The following NRG1 variants were observed in gnomAD, a reference collection of about 807,000 sequenced individuals.
NRG1 encodes the protein pro-neuregulin-1, membrane-bound isoform.
NRG1 carries 18 observed loss-of-function variants against 63.8 expected under a neutral mutation model. That is an observed-to-expected ratio of 0.28 (90% CI 0.19 to 0.42). The LOEUF (loss-of-function observed/expected upper bound fraction) is 0.42, where lower values mean the gene tolerates loss of function less well. NRG1 is among the 10% of genes least tolerant of loss of function. NRG1 has a pLI of 1.00. For synonymous variants in NRG1, 302 were observed against 301.3 expected (o/e 1.00, Z -0.02); for missense variants, 762 against 814.7 (o/e 0.94, Z 0.79).
intron 1 of NRG1, among the ~76,000 whole-genome samples, chr8:32,394,590 G>C (rs910838500): frequency 6.6e-6 from 1 of 152,164 alleles, no homozygotes; most frequent in Non-Finnish European, 1.5e-5. Context: ...TGTTTTCACA[G>C]AGTGATTTAC....
chr8:31,991,588 G>A (rs1178565154), intron 1 of NRG1, among the ~76,000 whole-genome samples: 1 of 151,992 alleles, frequency 6.6e-6, no homozygotes, highest in African/African-American at 2.4e-5. Flanking sequence ...GATGAGGGAA[G>A]CTAAGCTCAA....
intron 5 of NRG1, among the ~76,000 whole-genome samples, chr8:32,638,564 G>T (rs1248579525): frequency 6.6e-6 from 1 of 152,096 alleles, no homozygotes; most frequent in Non-Finnish European, 1.5e-5. Context: ...CTGGCCTCAG[G>T]CAATCCTCCT....
rs183135781 is a variant in NRG1 at position 32,240,209 on chromosome 8, A to G, written c.38-355619A>G. On this transcript the variant is annotated intron_variant, in intron 1 of 10. Coordinates refer to the NRG1 transcript ENST00000519301. Reference sequence around the variant, plus strand: ...CTGTAGCACAGCTATACTATGACATACTATGAAGCAATAAAAAAGGAATGA... The same window carrying G: ...CTGTAGCACAGCTATACTATGACATGCTATGAAGCAATAAAAAAGGAATGA... Among the ~76,000 whole-genome samples the G allele has an allele frequency of 2.3e-3, 357 of 152,316 alleles. 2 individuals are homozygous for G. Among genetic ancestry groups the G allele is most frequent in the Middle Eastern group, 6.8e-3 (2 of 294 alleles).
At chr8:32,355,157 A>G (rs2129480194) in intron 1 of NRG1, among the ~76,000 whole-genome samples, 1 of 152,304 alleles carries the variant, frequency 6.6e-6, no homozygotes, top group African/African-American at 2.4e-5. Flanking sequence ...ACAAATTACA[A>G]AATTGAAAGG....
At chr8:32,134,732 G>C (rs1835282663) in intron 1 of NRG1, among the ~76,000 whole-genome samples, 1 of 152,004 alleles carries the variant, frequency 6.6e-6, no homozygotes, top group South Asian at 2.1e-4. Flanking sequence ...AAACTAGAAT[G>C]AGGCCAGGCA....
chr8:32,601,952 C>T (rs1844437141), intron 2 of NRG1, among the ~76,000 whole-genome samples: 1 of 151,904 alleles, frequency 6.6e-6, no homozygotes, highest in African/African-American at 2.4e-5. Context: ...ATTAGAAATC[C>T]TTATTTCTGC....
intron 1 of NRG1, among the ~76,000 whole-genome samples, chr8:31,720,439 C>T (rs753351871): frequency 6.6e-6 from 1 of 152,094 alleles, no homozygotes; most frequent in African/African-American, 2.4e-5. Flanking sequence ...GGTGTTAAGC[C>T]CAGCATCCAT....
At chr8:31,761,209 A>T (rs1179906178) in intron 1 of NRG1, among the ~76,000 whole-genome samples, 1 of 152,120 alleles carries the variant, frequency 6.6e-6, no homozygotes, top group South Asian at 2.1e-4. Flanking sequence ...AGGACAAAAA[A>T]CCAAACACCT....
intron 5 of NRG1, among the ~76,000 whole-genome samples, chr8:32,720,585 G>A (rs907427707): frequency 6.6e-6 from 1 of 152,108 alleles, no homozygotes; most frequent in Non-Finnish European, 1.5e-5. Context: ...TTCTGGAATT[G>A]GCTTCTCAGC....
At chr8:32,387,485 C>T (rs902037641) in intron 1 of NRG1, among the ~76,000 whole-genome samples, 1 of 152,164 alleles carries the variant, frequency 6.6e-6, no homozygotes, top group African/African-American at 2.4e-5. Flanking sequence ...AAACAAGAAG[C>T]TCTTTGGGTT....
In NRG1 at chr8:31,890,960, G is replaced by A. The variant is rs148861240; in HGVS notation, c.37+251529G>A. ...GCTGGATGCCCAATGGCAGAAAAAAGTAAGTCTTCACCTAAGTCTTACACC... is the reference window on the plus strand; with the variant it reads ...GCTGGATGCCCAATGGCAGAAAAAAATAAGTCTTCACCTAAGTCTTACACC... On this transcript the variant is annotated intron_variant, in intron 1 of 10. Transcript: ENST00000519301. Among the ~76,000 whole-genome samples the A allele has an allele frequency of 2.6e-3, 390 of 152,274 alleles. 2 individuals carry two copies. The highest frequency in any genetic ancestry group is 8.9e-3 in the African/African-American group (368 of 41,558).
At chr8:32,207,372 C>T (rs1844181012) in intron 1 of NRG1, among the ~76,000 whole-genome samples, 1 of 152,114 alleles carries the variant, frequency 6.6e-6, no homozygotes, top group Non-Finnish European at 1.5e-5. Context: ...ACTTTTGCAT[C>T]AACCTAATAC....
At position 32,742,197 on chromosome 8, in the gene NRG1, C is replaced by G; in HGVS notation, c.633-478C>G. On this transcript the variant is annotated intron_variant, in intron 6 of 11. Coordinates refer to ENST00000356819, the Ensembl canonical transcript of NRG1. This position sits in a 1 kb window ranked among gnomAD's most constrained non-coding sequence, Gnocchi z 4.2. ...TTGTTCTAATTATGGCTTAACCTCT[C>G]AAGGCATAAACCCATTCAGTGTTAC... The G allele has an allele frequency of 1.2e-6, 1 of 803,138 alleles. No individual in the cohort carries two copies. The highest frequency in any genetic ancestry group is 2.1e-6 in the Non-Finnish European group (1 of 479,668). 49.8% of individuals were successfully genotyped at this position (803,138 alleles called of 1,614,324 possible). A position where few individuals can be genotyped will look rare whatever the true frequency, so the allele number is the denominator to read the frequency against.
chr8:32,286,788 C>T (rs28560199), intron 1 of NRG1, among the ~76,000 whole-genome samples: 31,508 of 151,954 alleles, frequency 0.21, 3,614 homozygotes, highest in African/African-American at 0.32. Context: ...CCTGAGGTCA[C>T]GAGTTCAAGA....
chr8:32,565,288 A>G (rs1056075296), intron 1 of NRG1, among the ~76,000 whole-genome samples: 12 of 151,792 alleles, frequency 7.9e-5, no homozygotes, highest in Admixed American at 7.2e-4. Flanking sequence ...TCTTTTTGGA[A>G]TTTTCTTTTT....
intron 1 of NRG1, among the ~76,000 whole-genome samples, chr8:32,004,737 G>C (rs1036224284): frequency 6.6e-6 from 1 of 151,778 alleles, no homozygotes; most frequent in Admixed American, 6.6e-5. Context: ...AAGAGAAAAA[G>C]CATACACAAA....
At chr8:32,771,583 A>G (rs145040459), downstream of NRG1, among the ~76,000 whole-genome samples, 389 of 150,802 alleles carry the variant, frequency 2.6e-3, 3 homozygotes, top group African/African-American at 8.9e-3. Flanking sequence ...GTAGAGTTTT[A>G]ATAATACTAC....
chr8:32,116,450 G>A (rs1419638832), intron 1 of NRG1, among the ~76,000 whole-genome samples: 1 of 152,124 alleles, frequency 6.6e-6, no homozygotes, highest in East Asian at 1.9e-4. Flanking sequence ...CCTGGATGGA[G>A]CTCTTCACCA....
intron 1 of NRG1, among the ~76,000 whole-genome samples, chr8:32,265,172 GA>G (rs1850786356): frequency 6.6e-6 from 1 of 151,902 alleles, no homozygotes; most frequent in African/African-American, 2.4e-5. Flanking sequence ...CCTCTCTACA[GA>G]AAAAATTTTA....
Sources: allele counts gnomAD v4.1 joint callset (sites outside exome capture counted in the v4.1 genomes callset), GRCh38; gene constraint gnomAD v4.1.1; non-coding constraint Gnocchi (gnomAD v3.1); transcripts MANE v1.5; gene names NCBI Gene and HGNC (gene_info 2026-07-23, HGNC 2026-07-21).